ATRX: variants seen among roughly 807,000 people sequenced by gnomAD.
ATRX encodes ATRX chromatin remodeler, also known as chromatin remodeler ATRX.
ATRX carries 12 observed loss-of-function variants against 172.6 expected under a neutral mutation model. The observed-to-expected ratio is 0.07, with a 90% CI of 0.04 to 0.11. The LOEUF (loss-of-function observed/expected upper bound fraction) is 0.11, where lower values mean the gene tolerates loss of function less well. ATRX is among the 10% of genes least tolerant of loss of function. The probability of loss-of-function intolerance (pLI) is 1.00; values close to 1 mark genes in which losing one functional copy is unlikely to be tolerated. For synonymous variants in ATRX, 674 were observed against 594.7 expected (o/e 1.13, Z -1.94); for missense variants, 1,368 against 1,767.4 (o/e 0.77, Z 4.05).
intron 1 of ATRX, among the ~76,000 whole-genome samples, chrX:77,763,951 A>G (rs2075815910): frequency 9.1e-6 from 1 of 109,845 alleles, no homozygotes; most frequent in Admixed American, 9.7e-5. Context: ...CCGTCTCAAC[A>G]AAAAATACAA....
intron 30 of ATRX, among the ~76,000 whole-genome samples, chrX:77,549,307 C>T (rs1264748567): frequency 8.9e-6 from 1 of 111,746 alleles, no homozygotes; most frequent in Non-Finnish European, 1.9e-5. Flanking sequence ...ATCACTTGAA[C>T]CCCAGAGGCG....
At chrX:77,745,634 G>GA in intron 1 of ATRX, among the ~76,000 whole-genome samples, 1 of 111,611 alleles carries the variant, frequency 9.0e-6, no homozygotes, top group South Asian at 3.7e-4. Flanking sequence ...TGGTGGCACA[G>GA]TGGGGATGGC....
intron 21 of ATRX, among the ~76,000 whole-genome samples, chrX:77,617,375 A>G (rs1217974878): frequency 1.8e-5 from 2 of 111,258 alleles, no homozygotes; most frequent in Non-Finnish European, 3.8e-5. Flanking sequence ...TTGCTAGCAC[A>G]TGTAGCCAAC....
At chrX:77,632,343 A>G (rs1253002079) in intron 19 of ATRX, among the ~76,000 whole-genome samples, 1 of 111,741 alleles carries the variant, frequency 8.9e-6, no homozygotes, top group Admixed American at 9.5e-5. Context: ...AATCTGCTAC[A>G]ATGATACTAG....
intron 10 of ATRX, chrX:77,674,822 T>C (rs1557132622): frequency 9.0e-6 from 1 of 111,594 alleles, no homozygotes; most frequent in African/African-American, 3.2e-5. Context: ...TGTGATGATA[T>C]AATGTAAAAT....
chrX:77,541,133 G>T (rs782011495), intron 30 of ATRX, among the ~76,000 whole-genome samples: 61 of 111,827 alleles, frequency 5.5e-4, no homozygotes, highest in Middle Eastern at 4.6e-3. Flanking sequence ...TGATAAAGGG[G>T]ATATCACCAC....
chrX:77,661,534 G>T (rs2069905433), intron 12 of ATRX, among the ~76,000 whole-genome samples: 1 of 108,625 alleles, frequency 9.2e-6, no homozygotes, highest in Admixed American at 9.8e-5. Context: ...CCAAACACTT[G>T]CAAAAATGCG....
rs973041180 is a variant in ATRX, at chrX:77,606,819, C to T, written c.5567-6255G>A. ...ACATACATACACACATATAAATATA[C>T]ACACACACATATATGGAAATCAATC... is the stretch of plus-strand genomic sequence containing the variant. On this transcript the variant is annotated intron_variant, in intron 22 of 34. Transcript: ENST00000373344. Among the ~76,000 whole-genome samples the T allele has an allele frequency of 9.4e-5, 10 of 106,703 alleles. 1 individual carries two copies. Among genetic ancestry groups the T allele is most frequent in the Admixed American group, 8.0e-4 (8 of 9,948 alleles). 92.7% of individuals were successfully genotyped at this position (106,703 alleles called of 115,157 possible).
chrX:77,668,435 T>TACTGCCC (rs1557127554), intron 10 of ATRX, among the ~76,000 whole-genome samples: 1 of 111,884 alleles, frequency 8.9e-6, no homozygotes, highest in Admixed American at 9.5e-5. Flanking sequence ...CAGGACGATG[T>TACTGCCC]ACTGCCCCTG....
chrX:77,656,221 T>G (rs1299964817), intron 13 of ATRX, among the ~76,000 whole-genome samples: 1 of 111,645 alleles, frequency 9.0e-6, no homozygotes, highest in Non-Finnish European at 1.9e-5. Flanking sequence ...ATAGATTATT[T>G]ATACAAACAG....
chrX:77,778,882 G>C (rs782511515), intron 1 of ATRX, among the ~76,000 whole-genome samples: 1 of 110,789 alleles, frequency 9.0e-6, no homozygotes, highest in South Asian at 3.8e-4. Flanking sequence ...AGTCTCCTTT[G>C]TCAAAACTGT....
intron 30 of ATRX, among the ~76,000 whole-genome samples, chrX:77,554,264 C>T (rs1220438480): frequency 1.3e-4 from 14 of 110,999 alleles, no homozygotes; most frequent in African/African-American, 3.6e-4. Flanking sequence ...GAGATCATGC[C>T]GCTGCACTCC....
At chrX:77,725,746 A>C (rs782158970) in intron 1 of ATRX, among the ~76,000 whole-genome samples, 12 of 112,449 alleles carry the variant, frequency 1.1e-4, no homozygotes, top group African/African-American at 3.2e-4. Flanking sequence ...TAATATCCAG[A>C]ATCTACAAAG....
At chrX:77,758,593 T>TA (rs2075599210) in intron 1 of ATRX, among the ~76,000 whole-genome samples, 1 of 107,920 alleles carries the variant, frequency 9.3e-6, no homozygotes, top group Non-Finnish European at 1.9e-5. Context: ...CCATCTCTAC[T>TA]AAAAATACAA....
In ATRX at chrX:77,663,455, G is replaced by C. The variant is rs199625659; in HGVS notation, c.4047C>G (p.Asp1349Glu). Reference sequence around the variant, plus strand: ...TCTTTTTTTCTTCTCCAGATTCTCCGTCACTCACAGTCAATTTGTGCCGCA... The same window carrying C: ...TCTTTTTTTCTTCTCCAGATTCTCCCTCACTCACAGTCAATTTGTGCCGCA... ...RLLRHKLTVS[D>E]GESGEEKKTK... The change falls in exon 12 of 35, where the codon GAC becomes GAG. Residue 1349 changes from aspartate (D) to glutamate (E), a missense_variant. This residue lies in a region of ATRX where 119 missense variants were observed against 131.3 expected (regional missense o/e 0.91). Coordinates refer to ENST00000373344, the MANE Select transcript of ATRX (RefSeq NM_000489.6). 8.3e-7 allele frequency: 1 copy of C among 1,209,981 alleles called. No individual in the cohort carries two copies. Among genetic ancestry groups the C allele is most frequent in the Non-Finnish European group, 1.1e-6 (1 of 894,681 alleles).
intron 1 of ATRX, among the ~76,000 whole-genome samples, chrX:77,774,689 A>T (rs2076287195): frequency 9.0e-6 from 1 of 110,702 alleles, no homozygotes; most frequent in African/African-American, 3.3e-5. Flanking sequence ...AAAAAAAAAA[A>T]TGGTATTGTA....
At chrX:77,665,246 T>C (rs2070169008) in intron 10 of ATRX, among the ~76,000 whole-genome samples, 2 of 112,570 alleles carry the variant, frequency 1.8e-5, no homozygotes, top group Admixed American at 9.4e-5. Flanking sequence ...AATAAACCAC[T>C]ATATAATGAC....
intron 32 of ATRX, 183 bp downstream of exon 32, chrX:77,522,080 C>T: frequency 1.8e-6 from 1 of 541,380 alleles, no homozygotes; most frequent in Non-Finnish European, 3.1e-6. Context: ...GTGCTCTGAA[C>T]AAACCACATT....
At chrX:77,768,459 T>C (rs1198996414) in intron 1 of ATRX, among the ~76,000 whole-genome samples, 1 of 112,430 alleles carries the variant, frequency 8.9e-6, no homozygotes, top group East Asian at 2.8e-4. Context: ...AAGGAGATGT[T>C]TTAACTGTCC....
Sources: gnomAD v4.1 joint callset for allele counts (sites outside exome capture counted in the v4.1 genomes callset) on GRCh38, gnomAD v4.1.1 for gene constraint, gnomAD v4.1.1 regional missense constraint, MANE v1.5 for transcripts, NCBI Gene and HGNC (gene_info 2026-07-23, HGNC 2026-07-21) for gene names.